Variants in FGGY observed in about 807,000 individuals in gnomAD.
FGGY encodes the protein FGGY carbohydrate kinase domain containing, also known as FGGY carbohydrate kinase domain-containing protein.
In FGGY, 72 loss-of-function variants were observed where a neutral mutation model predicts 71.3. The ratio of observed to expected loss-of-function variants is 1.01; its 90% CI spans 0.84 to 1.23. The LOEUF is 1.23. Ranked by LOEUF, FGGY falls within the 50% of genes most tolerant of loss-of-function variation. The pLI, the probability that FGGY is intolerant of heterozygous loss-of-function variation, is 0.00. For missense variants in FGGY, 668 were observed against 682.3 expected (o/e 0.98, Z 0.23); for synonymous variants, 251 against 250.3 (o/e 1.00, Z -0.02).
chr1:59,330,093 G>A (rs13376032), intron 2 of FGGY, among the ~76,000 whole-genome samples: 2,315 of 152,166 alleles, frequency 0.015, 43 homozygotes, highest in African/African-American at 0.053. Context: ...TGTGGTTCGT[G>A]AATCATTCAT....
In FGGY at chr1:59,632,521, C is replaced by T. The variant is rs138137554; in HGVS notation, c.1074-5707C>T. Among the ~76,000 whole-genome samples, 353 of 152,186 alleles carry T rather than the reference C, an allele frequency of 2.3e-3. 1 individual carries two copies. Among genetic ancestry groups the T allele is most frequent in the African/African-American group, 8.2e-3 (339 of 41,506 alleles). ...CTTAAAATTCACTAGTCCTCTATAT[C>T]GCGAATCGCAGATAGATTAAAACTT... On this transcript the variant is annotated intron_variant, in intron 10 of 15. Transcript: ENST00000303721.
In FGGY at chr1:59,566,210, T is replaced by A. The variant is rs186470653; in HGVS notation, c.903+11983T>A. Among the ~76,000 whole-genome samples the A allele has an allele frequency of 3.7e-4, 56 of 152,200 alleles. 1 individual carries two copies. The highest frequency in any genetic ancestry group is 1.0e-3 in the Admixed American group (16 of 15,296). ...AGAAGTTTGGTGTGGATGAAATAGA[T>A]GATGAGGCAGTCATGGTGGAGCCCT... On this transcript the variant is annotated intron_variant, in intron 8 of 15. Coordinates refer to ENST00000303721, the MANE Select transcript of FGGY (RefSeq NM_018291.5).
In FGGY at chr1:59,321,572, CAG is replaced by C; in HGVS notation, c.28_29del (p.Arg10ValfsTer32). The stretch of plus-strand genomic sequence containing the variant: ...GCAATGTCTGGTGGAGAACAGAAAC[CAG>C]AGAGGTACTATGTGGGTGTGGACGT... On this transcript the variant is annotated frameshift_variant, in exon 2 of 16. Transcript: ENST00000303721. LOFTEE classifies it high-confidence loss of function. The C allele has an allele frequency of 6.2e-7, 1 of 1,613,882 alleles. No individual in the cohort carries two copies. The highest frequency in any genetic ancestry group is 2.2e-5 in the East Asian group (1 of 44,886).
At chr1:59,337,346 G>A (rs2049808410) in intron 2 of FGGY, among the ~76,000 whole-genome samples, 1 of 152,082 alleles carries the variant, frequency 6.6e-6, no homozygotes, top group African/African-American at 2.4e-5. Context: ...ACTGCAAAAG[G>A]GAGAGAGGGA....
intron 8 of FGGY, among the ~76,000 whole-genome samples, chr1:59,590,430 T>C (rs2096407553): frequency 6.6e-6 from 1 of 152,130 alleles, no homozygotes. Context: ...CCTCCCTAAC[T>C]CATTTTATGA....
chr1:59,485,949 T>G (rs554204133), intron 6 of FGGY, among the ~76,000 whole-genome samples: 2 of 152,154 alleles, frequency 1.3e-5, no homozygotes, highest in South Asian at 4.2e-4. Context: ...CTTGACAACA[T>G]TCTAAAAACA....
chr1:59,512,431 G>A lies in FGGY; in HGVS notation c.791G>A (p.Gly264Glu), dbSNP rs146242082. ...GCTTCACTCATTGATGCCCATGCAG[G>A]AGGACTAGGTAATCTCTTATTTGTT... ...VAASLIDAHA[G>E]GLGVIGADVR... Residue 264 changes from glycine to glutamate, a missense_variant, in exon 7 of 16, where the codon GGA (glycine) becomes GAA (glutamate). Gly to Glu is a moderately conservative substitution (Grantham distance 98, BLOSUM62 -2). Around this residue, in one of 2 missense-constraint regions of FGGY, gnomAD observed 661 missense variants for 661.6 expected, o/e 1.00. Transcript: ENST00000303721. 7 of 1,613,558 alleles carry A rather than the reference G, an allele frequency of 4.3e-6. No homozygotes were observed. Among genetic ancestry groups the A allele is most frequent in the Non-Finnish European group, 5.9e-6 (7 of 1,179,752 alleles).
chr1:59,456,446 CTT>C (rs554474364), intron 5 of FGGY, among the ~76,000 whole-genome samples: 2,185 of 132,910 alleles, frequency 0.016, 29 homozygotes, highest in African/African-American at 0.058. Flanking sequence ...AGGACTGAAA[CTT>C]TTTTTTTTTT....
chr1:59,623,280 T>C (rs1374687851), intron 9 of FGGY, among the ~76,000 whole-genome samples: 2 of 152,192 alleles, frequency 1.3e-5, no homozygotes, highest in African/African-American at 4.8e-5. Flanking sequence ...TTATGGCCTT[T>C]GATCTAATAA....
intron 5 of FGGY, among the ~76,000 whole-genome samples, chr1:59,422,958 A>G (rs1291591939): frequency 2.0e-5 from 3 of 152,066 alleles, no homozygotes; most frequent in African/African-American, 7.2e-5. Context: ...GAAGTTTAGT[A>G]TTTTTCCTAG....
chr1:59,396,735 C>T (rs918535606), intron 5 of FGGY, among the ~76,000 whole-genome samples: 2 of 152,132 alleles, frequency 1.3e-5, no homozygotes, highest in African/African-American at 2.4e-5. Flanking sequence ...AGCAACAGTT[C>T]CCTCATCTTT....
At chr1:59,367,705 G>A (rs1407976299) in intron 4 of FGGY, among the ~76,000 whole-genome samples, 2 of 152,198 alleles carry the variant, frequency 1.3e-5, no homozygotes. Context: ...AGAAGCAGCA[G>A]AAACCTCACA....
chr1:59,711,311 G>T (rs1046292629), intron 14 of FGGY, among the ~76,000 whole-genome samples: 1 of 151,990 alleles, frequency 6.6e-6, no homozygotes, highest in Non-Finnish European at 1.5e-5. Context: ...GGAAGGGGAG[G>T]GATAGCATTA....
rs573036634 is a variant in FGGY at position 59,462,694 on chromosome 1, C to G, written c.670+5618C>G. Among the ~76,000 whole-genome samples the G allele has an allele frequency of 1.4e-4, 21 of 152,170 alleles. No homozygotes were observed. In the East Asian group the frequency reaches 1.5e-3, roughly 11 times the overall value. ...AAAGAAGACATTTATGCAGCCAAAA[C>G]ACACATGAAAAAATGCTCATCATCA... On this transcript the variant is annotated intron_variant, in intron 6 of 15. Coordinates refer to ENST00000303721, the MANE Select transcript of FGGY (RefSeq NM_018291.5).
chr1:59,699,429 C>A, intron 14 of FGGY: 1 of 983,372 alleles, frequency 1.0e-6, no homozygotes, highest in Non-Finnish European at 1.2e-6. Context: ...GCAATAGTGA[C>A]ACCTAGGGGC....
At chr1:59,492,000 C>G (rs1003062897) in intron 6 of FGGY, among the ~76,000 whole-genome samples, 5 of 152,078 alleles carry the variant, frequency 3.3e-5, no homozygotes, top group Admixed American at 2.0e-4. Flanking sequence ...CTCTGGAGTT[C>G]TGTAAGAAAA....
chr1:59,312,922 A>G, intron 1 of FGGY, among the ~76,000 whole-genome samples: 1 of 152,184 alleles, frequency 6.6e-6, no homozygotes, highest in East Asian at 1.9e-4. Flanking sequence ...TTTAAATTTA[A>G]AAGGATAGCC....
intron 4 of FGGY, among the ~76,000 whole-genome samples, chr1:59,369,621 C>T (rs965797014): frequency 6.6e-6 from 1 of 152,182 alleles, no homozygotes; most frequent in Admixed American, 6.5e-5. Context: ...CAAGTGGGTC[C>T]CTGACCCCTG....
At chr1:59,344,728 T>C (rs2051452706) in intron 3 of FGGY, among the ~76,000 whole-genome samples, 1 of 152,194 alleles carries the variant, frequency 6.6e-6, no homozygotes, top group South Asian at 2.1e-4. Context: ...TTACTTATAA[T>C]ACCTAATGTT....
Sources: gnomAD v4.1 joint callset for allele counts (sites outside exome capture counted in the v4.1 genomes callset) on GRCh38, gnomAD v4.1.1 for gene constraint, gnomAD v4.1.1 regional missense constraint, MANE v1.5 for transcripts, NCBI Gene and HGNC (gene_info 2026-07-23, HGNC 2026-07-21) for gene names.